The following CCDC63 variants were observed in gnomAD, a reference collection of about 807,000 sequenced individuals.
The protein encoded by CCDC63 is coiled-coil domain-containing protein 63.
Under a neutral mutation model 63.6 loss-of-function variants are expected in CCDC63, and 54 were observed. The ratio of observed to expected loss-of-function variants is 0.85; its 90% CI spans 0.68 to 1.07. The LOEUF is 1.07. CCDC63 is among the 50% of genes least tolerant of loss of function. CCDC63 has a pLI of 0.00. For synonymous variants in CCDC63, 253 were observed against 266.1 expected, an observed-to-expected ratio of 0.95 and a Z score of 0.48; for missense variants, 637 against 689.6, an observed-to-expected ratio of 0.92 and a Z score of 0.86.
chr12:110,844,766 G>A (rs570721515), upstream of CCDC63, among the ~76,000 whole-genome samples: 2 of 152,294 alleles, frequency 1.3e-5, no homozygotes, highest in South Asian at 2.1e-4. Flanking sequence ...GGGAAGGACT[G>A]TTACCTGAAC....
chr12:110,881,134 A>G lies in CCDC63; in HGVS notation c.691A>G (p.Met231Val). 6.2e-7 allele frequency: 1 copy of G among 1,610,952 alleles called. No individual in the cohort carries two copies. The highest frequency in any genetic ancestry group is 8.5e-7 in the Non-Finnish European group (1 of 1,179,404). ...YEQRVEAMAR[M>V]AAMKDRQKKD... ...GCCCAGGGTGGAGGCCATGGCTCGA[A>G]TGGCTGCCATGAAAGACCGCCAGAA... The change falls in exon 7 of 12, where the codon ATG becomes GTG. Residue 231 changes from methionine to valine, a missense_variant. Coordinates refer to ENST00000308208, the MANE Select transcript of CCDC63 (RefSeq NM_152591.3).
intron 1 of CCDC63, among the ~76,000 whole-genome samples, chr12:110,850,014 A>G (rs1434454355): frequency 6.6e-6 from 1 of 152,202 alleles, no homozygotes; most frequent in Non-Finnish European, 1.5e-5. Context: ...AAGTTAGGGT[A>G]TTCTCTGAGG....
intron 1 of CCDC63, among the ~76,000 whole-genome samples, chr12:110,850,576 T>C (rs2070693756): frequency 1.3e-5 from 2 of 152,144 alleles, no homozygotes; most frequent in African/African-American, 4.8e-5. Flanking sequence ...ACCCCGTCTC[T>C]ACTAAAAATA....
intron 1 of CCDC63, among the ~76,000 whole-genome samples, chr12:110,850,084 T>A (rs182804432): frequency 1.1e-3 from 174 of 152,356 alleles, no homozygotes; most frequent in Non-Finnish European, 2.1e-3. Flanking sequence ...CAACAGAAGT[T>A]AATTTCGCAT....
chr12:110,855,786 G>A (rs1407466781), intron 3 of CCDC63, among the ~76,000 whole-genome samples: 1 of 152,094 alleles, frequency 6.6e-6, no homozygotes, highest in Non-Finnish European at 1.5e-5. Flanking sequence ...TCACCATGTT[G>A]GTCAGGCTAG....
intron 6 of CCDC63, 24 bp from the exon 7 acceptor site, chr12:110,881,091 A>C (rs758377187): frequency 6.4e-7 from 1 of 1,572,668 alleles, no homozygotes; most frequent in South Asian, 1.2e-5. Context: ...TCAGATGCTC[A>C]GGCTCTGTAC....
At chr12:110,874,497 G>T (rs1041377191) in intron 5 of CCDC63, among the ~76,000 whole-genome samples, 1 of 152,214 alleles carries the variant, frequency 6.6e-6, no homozygotes, top group Non-Finnish European at 1.5e-5. Flanking sequence ...GTTAGTCATA[G>T]AATTGAAAGA....
intron 5 of CCDC63, among the ~76,000 whole-genome samples, chr12:110,877,908 T>C (rs1180154096): frequency 6.6e-6 from 1 of 151,870 alleles, no homozygotes; most frequent in East Asian, 2.0e-4. Flanking sequence ...GGTTTCACCA[T>C]GTTGGCCAGA....
intron 8 of CCDC63, among the ~76,000 whole-genome samples, chr12:110,884,852 ATTTT>A (rs34391026): frequency 1.5e-5 from 2 of 130,702 alleles, no homozygotes; most frequent in African/African-American, 2.9e-5. Flanking sequence ...ACGCCCTGCT[ATTTT>A]TTTTTTTTTT....
chr12:110,903,041 T>C (rs2071510738), intron 10 of CCDC63, among the ~76,000 whole-genome samples: 1 of 152,002 alleles, frequency 6.6e-6, no homozygotes. Context: ...AGCAACCACA[T>C]CCAGCTTGTA....
At chr12:110,869,381 T>C (rs1366101029) in intron 4 of CCDC63, among the ~76,000 whole-genome samples, 2 of 152,126 alleles carry the variant, frequency 1.3e-5, no homozygotes, top group Admixed American at 1.3e-4. Context: ...AAAAGACATC[T>C]CAGAGCTTAG....
At chr12:110,860,386 C>T (rs1452404956) in intron 4 of CCDC63, among the ~76,000 whole-genome samples, 3 of 152,210 alleles carry the variant, frequency 2.0e-5, no homozygotes, top group Non-Finnish European at 4.4e-5. Context: ...TGTTTAACGG[C>T]TCCCTAAGCA....
At chr12:110,855,071 G>A (rs532955635) in intron 3 of CCDC63, among the ~76,000 whole-genome samples, 3 of 152,284 alleles carry the variant, frequency 2.0e-5, no homozygotes, top group South Asian at 4.1e-4. Context: ...GATTACAGGC[G>A]TGAGCCACCA....
intron 8 of CCDC63, among the ~76,000 whole-genome samples, chr12:110,886,352 C>T (rs944494795): frequency 1.3e-5 from 2 of 152,134 alleles, no homozygotes; most frequent in Non-Finnish European, 2.9e-5. Context: ...CGCCACTGCA[C>T]TCCAGCCTGG....
intron 10 of CCDC63, among the ~76,000 whole-genome samples, chr12:110,901,447 C>T (rs182707880): frequency 1.3e-5 from 2 of 151,876 alleles, no homozygotes; most frequent in African/African-American, 2.4e-5. Flanking sequence ...AGGCTGGCCT[C>T]GAACCCCTGT....
intron 7 of CCDC63, among the ~76,000 whole-genome samples, chr12:110,882,089 C>G (rs932002762): frequency 1.3e-5 from 2 of 152,142 alleles, no homozygotes; most frequent in Non-Finnish European, 2.9e-5. Flanking sequence ...GAAAAGGCAC[C>G]AAGCAAGATC....
intron 10 of CCDC63, among the ~76,000 whole-genome samples, chr12:110,900,291 A>G (rs1261003064): frequency 6.6e-6 from 1 of 152,016 alleles, no homozygotes; most frequent in Non-Finnish European, 1.5e-5. Context: ...TGGGAAGTGG[A>G]ATGTTTTTCT....
chr12:110,899,445 A>G (rs2071457673), intron 10 of CCDC63, among the ~76,000 whole-genome samples: 1 of 152,140 alleles, frequency 6.6e-6, no homozygotes. Context: ...CAGCCTCCAA[A>G]GTAGCTGGGA....
intron 5 of CCDC63, among the ~76,000 whole-genome samples, chr12:110,878,809 C>T (rs763506500): frequency 3.9e-5 from 6 of 152,144 alleles, no homozygotes; most frequent in Non-Finnish European, 8.8e-5. Context: ...TCTTTAGAAA[C>T]CTTCATCCTT....
Sources: allele counts gnomAD v4.1 joint callset (sites outside exome capture counted in the v4.1 genomes callset), GRCh38; gene constraint gnomAD v4.1.1; transcripts MANE v1.5; gene names NCBI Gene and HGNC (gene_info 2026-07-23, HGNC 2026-07-21).